The following RALGPS2 variants were observed in gnomAD, a reference collection of about 807,000 sequenced individuals.
RALGPS2 encodes the protein ras-specific guanine nucleotide-releasing factor RalGPS2.
Under a neutral mutation model 86.8 loss-of-function variants are expected in RALGPS2, and 43 were observed. The observed-to-expected ratio is 0.50, with a 90% CI of 0.39 to 0.64. The LOEUF is 0.64. RALGPS2 is among the 30% of genes least tolerant of loss of function. RALGPS2 has a pLI of 0.00. For missense variants in RALGPS2, 536 were observed against 694.6 expected, an observed-to-expected ratio of 0.77 and a Z score of 2.57; for synonymous variants, 243 against 231.3, an observed-to-expected ratio of 1.05 and a Z score of -0.46.
intron 9 of RALGPS2, among the ~76,000 whole-genome samples, chr1:178,877,960 A>G (rs1291171922): frequency 6.6e-6 from 1 of 152,104 alleles, no homozygotes; most frequent in Non-Finnish European, 1.5e-5. Flanking sequence ...GGCCCTTTAT[A>G]GCACAGCTAT....
chr1:178,899,714 G>A lies in RALGPS2; in HGVS notation c.1524+1958G>A, dbSNP rs564547286. On this transcript the variant is annotated intron_variant, in intron 17 of 19. Coordinates refer to ENST00000367635, the MANE Select transcript of RALGPS2 (RefSeq NM_152663.5). ...ATGAGGAAATAATCAAATCCAAATT[G>A]TGGGTCATTCTATGAGACAGCTGGC... Among the ~76,000 whole-genome samples the A allele has an allele frequency of 3.4e-4, 51 of 148,824 alleles. 1 individual carries two copies. In the South Asian group the frequency reaches 0.01, roughly 30 times the overall value.
intron 1 of RALGPS2, among the ~76,000 whole-genome samples, chr1:178,755,947 A>G (rs911907683): frequency 4.6e-5 from 7 of 152,236 alleles, no homozygotes; most frequent in African/African-American, 1.4e-4. Context: ...AGCGATGTTG[A>G]ACATTTTTAT....
At chr1:178,768,777 G>T (rs1652639400) in intron 1 of RALGPS2, among the ~76,000 whole-genome samples, 1 of 152,198 alleles carries the variant, frequency 6.6e-6, no homozygotes, top group South Asian at 2.1e-4. Flanking sequence ...CCAGTGGGTG[G>T]CCACCAGACG....
intron 4 of RALGPS2, among the ~76,000 whole-genome samples, chr1:178,799,382 A>T (rs983643730): frequency 2.6e-5 from 4 of 151,950 alleles, no homozygotes; most frequent in African/African-American, 9.7e-5. Flanking sequence ...GAAAAAAAAA[A>T]TGCCACAAAG....
At chr1:178,747,191 C>G in intron 1 of RALGPS2, 1 of 1,172,278 alleles carries the variant, frequency 8.5e-7, no homozygotes, top group Admixed American at 1.7e-5. Flanking sequence ...GCGTCCAGTG[C>G]CTGCACTACG....
At chr1:178,851,014 T>A (rs1657137345) in intron 8 of RALGPS2, 1 of 1,022,690 alleles carries the variant, frequency 9.8e-7, no homozygotes, top group South Asian at 2.8e-5. Context: ...AAATTCATTT[T>A]AAAAACTTTC....
chr1:178,876,743 C>T (rs563195770), intron 8 of RALGPS2, among the ~76,000 whole-genome samples: 7 of 152,240 alleles, frequency 4.6e-5, no homozygotes, highest in Admixed American at 4.6e-4. Context: ...GCATTGTGAA[C>T]TCTCCAGAAA....
At position 178,895,143 on chromosome 1, in the gene RALGPS2, C is replaced by T. The variant is rs180888999; in HGVS notation, c.1431+1119C>T. On this transcript the variant is annotated intron_variant, in intron 16 of 19. Coordinates refer to ENST00000367635, the MANE Select transcript of RALGPS2 (RefSeq NM_152663.5). ...GAAGTTTCTTCTTCCTCAACACCAG[C>T]ATAGTAGTTTGACTACTAAGGAACA... Among the ~76,000 whole-genome samples the T allele has an allele frequency of 2.6e-3, 403 of 152,146 alleles. No homozygotes were observed. In the Middle Eastern group the frequency reaches 0.044, roughly 17 times the overall value.
chr1:178,737,410 T>C (rs1227568254), intron 1 of RALGPS2, among the ~76,000 whole-genome samples: 7 of 152,072 alleles, frequency 4.6e-5, no homozygotes, highest in African/African-American at 1.7e-4. Flanking sequence ...CACGCCTGGC[T>C]AATTTTTTTG....
intron 8 of RALGPS2, among the ~76,000 whole-genome samples, chr1:178,836,585 G>A (rs974902659): frequency 2.0e-5 from 3 of 152,186 alleles, no homozygotes; most frequent in African/African-American, 4.8e-5. Flanking sequence ...TTTTATAGAT[G>A]TTTCTCAAGC....
At chr1:178,840,868 A>T (rs954521180) in intron 8 of RALGPS2, among the ~76,000 whole-genome samples, 1 of 152,214 alleles carries the variant, frequency 6.6e-6, no homozygotes, top group Admixed American at 6.5e-5. Context: ...AATACTGTAA[A>T]CACCTCTCTG....
chr1:178,813,886 T>C (rs921047783), intron 6 of RALGPS2, among the ~76,000 whole-genome samples: 19 of 152,182 alleles, frequency 1.2e-4, no homozygotes, highest in Non-Finnish European at 2.8e-4. Flanking sequence ...TGACAACACC[T>C]AGATTAGGGT....
chr1:178,743,468 T>C (rs1266653348), intron 1 of RALGPS2, among the ~76,000 whole-genome samples: 1 of 152,216 alleles, frequency 6.6e-6, no homozygotes, highest in East Asian at 1.9e-4. Flanking sequence ...TGAAAGCAAT[T>C]ACAGTAAAGG....
chr1:178,802,523 A>G (rs1447794865), intron 4 of RALGPS2, among the ~76,000 whole-genome samples: 2 of 152,202 alleles, frequency 1.3e-5, no homozygotes, highest in Non-Finnish European at 2.9e-5. Context: ...TTTTACTGTG[A>G]TAATACAATT....
chr1:178,750,766 A>G (rs909529224), intron 1 of RALGPS2, among the ~76,000 whole-genome samples: 2 of 152,194 alleles, frequency 1.3e-5, no homozygotes, highest in Admixed American at 6.5e-5. Context: ...ATGTCCGCAT[A>G]TGTTACCTAA....
intron 8 of RALGPS2, among the ~76,000 whole-genome samples, chr1:178,856,537 A>G (rs1203654348): frequency 2.7e-5 from 4 of 148,620 alleles, no homozygotes; most frequent in South Asian, 2.1e-4. Flanking sequence ...GATTGCAGGC[A>G]TGAGCCACTC....
chr1:178,773,400 C>T (rs915041991), intron 1 of RALGPS2, among the ~76,000 whole-genome samples: 3 of 152,008 alleles, frequency 2.0e-5, no homozygotes, highest in Non-Finnish European at 2.9e-5. Flanking sequence ...TCATTTATAA[C>T]ACAAAGAAAA....
At chr1:178,860,146 A>G (rs1657899335) in intron 8 of RALGPS2, among the ~76,000 whole-genome samples, 1 of 152,120 alleles carries the variant, frequency 6.6e-6, no homozygotes, top group South Asian at 2.1e-4. Context: ...TACAAGGAAT[A>G]AACTTGTTTT....
chr1:178,762,418 G>C (rs1652291816), intron 1 of RALGPS2, among the ~76,000 whole-genome samples: 1 of 152,158 alleles, frequency 6.6e-6, no homozygotes, highest in South Asian at 2.1e-4. Flanking sequence ...TGGGATCTCT[G>C]AGAAATTGCC....
Sources: gnomAD v4.1 joint callset for allele counts (sites outside exome capture counted in the v4.1 genomes callset) on GRCh38, gnomAD v4.1.1 for gene constraint, MANE v1.5 for transcripts, NCBI Gene and HGNC (gene_info 2026-07-23, HGNC 2026-07-21) for gene names.